Variants in MYO3A observed in about 807,000 individuals in gnomAD.
MYO3A encodes the protein myosin-IIIa.
Under a neutral mutation model 192.7 loss-of-function variants are expected in MYO3A, and 180 were observed. That is an observed-to-expected ratio of 0.93 (90% CI 0.83 to 1.06). The LOEUF (loss-of-function observed/expected upper bound fraction) is 1.06. MYO3A is among the 50% of genes least tolerant of loss of function. MYO3A has a pLI of 0.00. For synonymous variants in MYO3A, 628 were observed against 645.3 expected (o/e 0.97, Z 0.41); for missense variants, 1,896 against 1,905.0 (o/e 1.00, Z 0.09).
At chr10:26,108,785 G>C (rs944779594) in intron 17 of MYO3A, among the ~76,000 whole-genome samples, 1 of 152,194 alleles carries the variant, frequency 6.6e-6, no homozygotes. Flanking sequence ...GCTTACAGGA[G>C]GTGGGGACTG....
At chr10:26,145,255 A>G (rs1539325) in intron 21 of MYO3A, among the ~76,000 whole-genome samples, 191 bp from the exon 22 acceptor site, 3 of 151,176 alleles carry the variant, frequency 2.0e-5, no homozygotes, top group South Asian at 2.1e-4. Context: ...CTAAATCGTA[A>G]TGTAATGGTG....
chr10:26,075,284 T>A (rs1454145681), intron 14 of MYO3A, among the ~76,000 whole-genome samples: 2 of 151,664 alleles, frequency 1.3e-5, no homozygotes, highest in African/African-American at 4.8e-5. Flanking sequence ...TTATTTTTTT[T>A]AATTTTTCCA....
At chr10:26,076,423 G>A (rs1378463417) in intron 14 of MYO3A, among the ~76,000 whole-genome samples, 1 of 152,030 alleles carries the variant, frequency 6.6e-6, no homozygotes, top group Non-Finnish European at 1.5e-5. Flanking sequence ...TATAGATTGT[G>A]AAGATTTTTT....
At chr10:26,122,447 T>C (rs543059525) in intron 18 of MYO3A, among the ~76,000 whole-genome samples, 24 of 152,338 alleles carry the variant, frequency 1.6e-4, no homozygotes, top group African/African-American at 5.8e-4. Flanking sequence ...ACAAGAGCCT[T>C]GTTTCAATTA....
At position 26,143,009 on chromosome 10, in the gene MYO3A, A is replaced by G. The variant is rs1840253112; in HGVS notation, c.2263-439A>G. Among the ~76,000 whole-genome samples the G allele has an allele frequency of 2.0e-5, 3 of 152,150 alleles. No homozygotes were observed. In the South Asian group the frequency reaches 6.2e-4, roughly 32 times the overall value. ...TTAAGGAACAAGCAGCAATGTGGAG[A>G]GAAAAATAAAATGATACTCTCAGTT... is the stretch of plus-strand genomic sequence containing the variant. On this transcript the variant is annotated intron_variant, in intron 20 of 34. Transcript: ENST00000642920.
intron 32 of MYO3A, among the ~76,000 whole-genome samples, chr10:26,194,235 A>G (rs1006648839): frequency 1.3e-5 from 2 of 152,144 alleles, no homozygotes; most frequent in Non-Finnish European, 2.9e-5. Context: ...TCTCTAAACC[A>G]TACCTTTGAG....
chr10:26,100,737 T>A (rs1289124980), intron 17 of MYO3A, among the ~76,000 whole-genome samples: 2 of 152,350 alleles, frequency 1.3e-5, no homozygotes, highest in Non-Finnish European at 2.9e-5. Context: ...GAGTTCTAGT[T>A]TGATTGCACT....
rs1842195131 is a variant in MYO3A, at chr10:26,174,174, G to A, written c.3910G>A (p.Glu1304Lys). The part of the protein sequence containing the change: ...IYQNANSMEK[E>K]KKTSVVTQRA... The stretch of plus-strand genomic sequence containing the variant: ...TCAAAATGCAAACAGCATGGAAAAA[G>A]AAAAGAAGACATCTGTAGTTACCCA... The change falls in exon 30 of 35, where the codon GAA becomes AAA. Residue 1304 changes from glutamate to lysine, a missense_variant. Physicochemically the swap from Glu to Lys is moderately conservative, Grantham distance 56. Coordinates refer to ENST00000642920, the MANE Select transcript of MYO3A (RefSeq NM_017433.5). 8.1e-6 allele frequency: 13 copies of A among 1,614,048 alleles called. No homozygotes were observed. The highest frequency in any genetic ancestry group is 1.1e-5 in the Non-Finnish European group (13 of 1,180,032).
In MYO3A at chr10:26,193,328, T is replaced by TA. The variant is rs750408871; in HGVS notation, c.4545+18dup. ...CTACTTCATGTAAGTGGCTCACTCT[T>TA]ACTATCAGATGGGAGCCATCACATC... On this transcript the variant is annotated intron_variant, in intron 32 of 34. Transcript: ENST00000642920. 4 of 1,574,164 alleles carry TA rather than the reference T, an allele frequency of 2.5e-6. No homozygotes were observed. The highest frequency in any genetic ancestry group is 1.7e-6 in the Non-Finnish European group (2 of 1,144,654).
At chr10:26,025,567 C>T (rs1842502583) in intron 9 of MYO3A, among the ~76,000 whole-genome samples, 2 of 152,164 alleles carry the variant, frequency 1.3e-5, no homozygotes, top group African/African-American at 4.8e-5. Flanking sequence ...TTGAAAAGTT[C>T]TTCCTTAGAC....
chr10:25,938,595 A>G (rs987784310), intron 2 of MYO3A, among the ~76,000 whole-genome samples: 7 of 152,198 alleles, frequency 4.6e-5, no homozygotes, highest in African/African-American at 1.7e-4. Context: ...TCCTTATGTG[A>G]TGCAGTGTAA....
intron 2 of MYO3A, among the ~76,000 whole-genome samples, chr10:25,948,879 C>T (rs555887918): frequency 1.3e-5 from 2 of 152,112 alleles, no homozygotes; most frequent in Admixed American, 1.3e-4. Context: ...TTCCAAAATG[C>T]CTCTTTTTTG....
rs7069695 is a variant in MYO3A, at chr10:26,201,170, G to A, written c.4546-95G>A. 3,473 of 505,896 alleles carry A rather than the reference G, an allele frequency of 6.9e-3. 100 individuals carry two copies. Among genetic ancestry groups the A allele is most frequent in the African/African-American group, 0.059 (2,892 of 49,260 alleles). The allele number at this position is 505,896 out of a possible 1,614,324, so 31.3% of individuals were successfully genotyped here. The stretch of plus-strand genomic sequence containing the variant: ...GCTTATTTCTAACTTAGTCTTTTAA[G>A]AGTAAATGTATTTACATATTAAGAT... On this transcript the variant is annotated intron_variant, in intron 32 of 34. Coordinates refer to ENST00000642920, the MANE Select transcript of MYO3A (RefSeq NM_017433.5).
chr10:26,181,437 C>T (rs1457428184), intron 31 of MYO3A, among the ~76,000 whole-genome samples: 1 of 151,984 alleles, frequency 6.6e-6, no homozygotes, highest in Non-Finnish European at 1.5e-5. Context: ...GAGCTGAAGA[C>T]AAAATATTTG....
At chr10:26,080,105 C>T (rs1157674839) in intron 14 of MYO3A, among the ~76,000 whole-genome samples, 2 of 152,098 alleles carry the variant, frequency 1.3e-5, no homozygotes, top group African/African-American at 4.8e-5. Flanking sequence ...CTTGATTATC[C>T]CCACAAATAT....
At chr10:26,059,309 TA>T (rs1588878555) in intron 10 of MYO3A, among the ~76,000 whole-genome samples, 2 of 152,234 alleles carry the variant, frequency 1.3e-5, no homozygotes, top group African/African-American at 4.8e-5. Context: ...TTATGTATTG[TA>T]ACTGTAGGCT....
Position 26,088,408 on chromosome 10 carries a change from A to G in MYO3A, c.1562+3A>G. 1 of 1,611,762 alleles carries G rather than the reference A, an allele frequency of 6.2e-7. No individual in the cohort carries two copies. The highest frequency in any genetic ancestry group is 8.5e-7 in the Non-Finnish European group (1 of 1,177,926). ...TCCCGAGTTATCCACCAAGCTATGTAAGTTTATTTCAAATCTCTCCTATTT... is the reference window on the plus strand; with the variant it reads ...TCCCGAGTTATCCACCAAGCTATGTGAGTTTATTTCAAATCTCTCCTATTT... On this transcript the variant is annotated splice_donor_region_variant and intron_variant, in intron 15 of 34. Coordinates refer to ENST00000642920, the MANE Select transcript of MYO3A (RefSeq NM_017433.5).
intron 10 of MYO3A, among the ~76,000 whole-genome samples, chr10:26,038,492 C>T (rs1843154412): frequency 6.6e-6 from 1 of 151,998 alleles, no homozygotes; most frequent in Non-Finnish European, 1.5e-5. Flanking sequence ...ATTCCTTTTT[C>T]ACATTGTTTG....
At chr10:25,997,545 A>G (rs1488966510) in intron 6 of MYO3A, among the ~76,000 whole-genome samples, 1 of 152,232 alleles carries the variant, frequency 6.6e-6, no homozygotes, top group Admixed American at 6.5e-5. Flanking sequence ...CTGTAAGCCT[A>G]TAATGACAAT....
Sources: allele counts gnomAD v4.1 joint callset (sites outside exome capture counted in the v4.1 genomes callset), GRCh38; gene constraint gnomAD v4.1.1; transcripts MANE v1.5; gene names NCBI Gene and HGNC (gene_info 2026-07-23, HGNC 2026-07-21).